Variants in EXOC6B observed in about 807,000 individuals in gnomAD.
EXOC6B encodes the protein exocyst complex component 6B.
A neutral mutation model predicts 113.5 loss-of-function variants in EXOC6B; 54 were observed. The ratio of observed to expected loss-of-function variants is 0.48; its 90% CI spans 0.38 to 0.60. EXOC6B has a LOEUF of 0.60. Ranked by LOEUF, EXOC6B falls within the 20% of genes least tolerant of loss-of-function variation. The probability of loss-of-function intolerance (pLI) is 0.00; values close to 1 mark genes in which losing one functional copy is unlikely to be tolerated. For missense variants in EXOC6B, 797 were observed against 977.5 expected (o/e 0.82, Z 2.46); for synonymous variants, 357 against 339.0 (o/e 1.05, Z -0.58).
rs1357018927 is a variant in EXOC6B, at chr2:72,607,645, G to GA, written c.670-31978dup. On this transcript the variant is annotated intron_variant, in intron 6 of 21. Transcript: ENST00000272427. ...TCAGTCATTCACTGATCTATACACA[G>GA]AAAAAAATCAGCCTTCCTTTTTAAT... Among the ~76,000 whole-genome samples the GA allele has an allele frequency of 2.6e-5, 4 of 152,046 alleles. No individual in the cohort carries two copies. In the East Asian group the frequency reaches 7.7e-4, roughly 29 times the overall value.
intron 1 of EXOC6B, among the ~76,000 whole-genome samples, chr2:72,817,605 C>A (rs1023078915): frequency 1.0e-5 from 1 of 98,528 alleles, no homozygotes; most frequent in Non-Finnish European, 2.0e-5. Flanking sequence ...GACATTCCAA[C>A]AGGGTAGACA....
Position 72,825,901 on chromosome 2 carries a change from C to T in EXOC6B, c.10G>A (p.Gly4Ser), listed in dbSNP as rs1686879172. 1 of 1,612,962 alleles carries T rather than the reference C, an allele frequency of 6.2e-7. No homozygotes were observed. The highest frequency in any genetic ancestry group is 1.1e-5 in the South Asian group (1 of 91,072). MER[G>S]KMAEAESLET... is the part of the protein sequence containing the mutation. Reference sequence around the variant, plus strand: ...AGGCTCTCCGCCTCCGCCATCTTACCCCGCTCCATAGACTGGGGGCGCCCC... The same window carrying T: ...AGGCTCTCCGCCTCCGCCATCTTACTCCGCTCCATAGACTGGGGGCGCCCC... The change falls in exon 1 of 22, where the codon GGT (glycine) becomes AGT (serine). Residue 4 changes from glycine to serine, a missense_variant. By Grantham distance (56) the Gly-to-Ser change is moderately conservative. Coordinates refer to ENST00000272427, the MANE Select transcript of EXOC6B (RefSeq NM_015189.3). This position sits in a 1 kb window ranked among gnomAD's most constrained non-coding sequence, Gnocchi z 4.4.
chr2:72,645,168 C>G (rs1199958303), intron 6 of EXOC6B, among the ~76,000 whole-genome samples: 1 of 152,020 alleles, frequency 6.6e-6, no homozygotes, highest in African/African-American at 2.4e-5. Flanking sequence ...GACTTTAAAC[C>G]AACAAAGATC....
At chr2:72,363,447 A>G (rs764184973) in intron 19 of EXOC6B, among the ~76,000 whole-genome samples, 4 of 152,132 alleles carry the variant, frequency 2.6e-5, no homozygotes, top group South Asian at 4.1e-4. Context: ...GAAGTTTCAC[A>G]GACAACTATC....
At chr2:72,465,893 A>T (rs1344368287) in intron 17 of EXOC6B, among the ~76,000 whole-genome samples, 1 of 152,130 alleles carries the variant, frequency 6.6e-6, no homozygotes, top group Non-Finnish European at 1.5e-5. Flanking sequence ...ATTTCCTTTT[A>T]CTTCTCTGGA....
rs1677938621 is a variant in EXOC6B, at chr2:72,179,327, G to A, written c.*8C>T. 2 of 1,598,752 alleles carry A rather than the reference G, an allele frequency of 1.3e-6. No individual in the cohort carries two copies. The highest frequency in any genetic ancestry group is 1.1e-5 in the South Asian group (1 of 88,424). On this transcript the variant is annotated 3_prime_UTR_variant, in exon 22 of 22. Transcript: ENST00000272427. ...AGCAGGTCGCCTCTGTGGGTCCGGG[G>A]TCACCCTTCATGAGTGGTGGCTGCT...
In EXOC6B at chr2:72,418,395, G is replaced by A. The variant is rs1001971206; in HGVS notation, c.1981-38525C>T. ...GCTTTCTGCAGGGTTGTTCTATCCA[G>A]TATTGAGAGGAAAAGTATTGAAGTT... is the stretch of plus-strand genomic sequence containing the variant. On this transcript the variant is annotated intron_variant, in intron 18 of 21. Transcript: ENST00000272427. Among the ~76,000 whole-genome samples the A allele has an allele frequency of 2.2e-4, 33 of 152,216 alleles. 1 individual carries two copies. Among genetic ancestry groups the A allele is most frequent in the African/African-American group, 7.0e-4 (29 of 41,542 alleles).
intron 1 of EXOC6B, among the ~76,000 whole-genome samples, chr2:72,799,108 C>T (rs935493417): frequency 2.6e-5 from 4 of 151,500 alleles, no homozygotes; most frequent in Non-Finnish European, 1.5e-5. Flanking sequence ...GGCATGGTAG[C>T]GCGCTCCTGT....
intron 20 of EXOC6B, among the ~76,000 whole-genome samples, chr2:72,254,499 G>A (rs1006355374): frequency 6.6e-6 from 1 of 152,150 alleles, no homozygotes; most frequent in Non-Finnish European, 1.5e-5. Context: ...AATTTCTTTT[G>A]TTTTAAGCCA....
intron 1 of EXOC6B, among the ~76,000 whole-genome samples, chr2:72,815,505 A>AT (rs1156284691): frequency 1.3e-5 from 2 of 151,662 alleles, no homozygotes; most frequent in African/African-American, 4.8e-5. Context: ...AAAAAAAAAA[A>AT]GAAAAAAGAA....
intron 19 of EXOC6B, among the ~76,000 whole-genome samples, chr2:72,361,075 A>T (rs1390477016): frequency 1.3e-5 from 2 of 152,094 alleles, no homozygotes; most frequent in Non-Finnish European, 2.9e-5. Flanking sequence ...TATAACTAGG[A>T]TCTACATACA....
intron 20 of EXOC6B, among the ~76,000 whole-genome samples, chr2:72,240,284 A>G (rs761469005): frequency 2.2e-4 from 34 of 152,210 alleles, no homozygotes; most frequent in Non-Finnish European, 4.7e-4. Flanking sequence ...TTGCTTTTTA[A>G]GCAGTTTTCG....
At chr2:72,410,451 T>C (rs1475714487) in intron 18 of EXOC6B, among the ~76,000 whole-genome samples, 1 of 152,208 alleles carries the variant, frequency 6.6e-6, no homozygotes, top group Non-Finnish European at 1.5e-5. Context: ...TGTTAACACT[T>C]AGGTTAGTAT....
At chr2:72,287,856 C>G (rs374221015) in intron 20 of EXOC6B, among the ~76,000 whole-genome samples, 6 of 152,146 alleles carry the variant, frequency 3.9e-5, no homozygotes, top group African/African-American at 1.4e-4. Context: ...ACTGGTGAAT[C>G]TTTATAACAC....
At chr2:72,640,368 A>G (rs888682674) in intron 6 of EXOC6B, among the ~76,000 whole-genome samples, 1 of 152,208 alleles carries the variant, frequency 6.6e-6, no homozygotes, top group Non-Finnish European at 1.5e-5. Flanking sequence ...GGGATTATGT[A>G]AAGAGACCAA....
intron 5 of EXOC6B, among the ~76,000 whole-genome samples, chr2:72,726,807 A>G (rs1680326371): frequency 6.6e-6 from 1 of 152,212 alleles, no homozygotes; most frequent in Non-Finnish European, 1.5e-5. Context: ...CAGGAAAAAA[A>G]TAAAATACAG....
At chr2:72,735,751 C>T (rs1025937892) in intron 2 of EXOC6B, among the ~76,000 whole-genome samples, 4 of 151,666 alleles carry the variant, frequency 2.6e-5, no homozygotes, top group Middle Eastern at 3.4e-3. Context: ...GGTGGGGGGA[C>T]GTGGGTTGCA....
At chr2:72,190,081 A>C (rs1236113684) in intron 20 of EXOC6B, among the ~76,000 whole-genome samples, 1 of 143,900 alleles carries the variant, frequency 6.9e-6, no homozygotes, top group Non-Finnish European at 1.5e-5. Context: ...CCCAGGCTGG[A>C]GTGCAGTGGT....
chr2:72,527,836 TTCTTCATG>T (rs1701812316), intron 8 of EXOC6B, among the ~76,000 whole-genome samples: 1 of 152,020 alleles, frequency 6.6e-6, no homozygotes, highest in Non-Finnish European at 1.5e-5. Context: ...GGTGAATTGT[TTCTTCATG>T]TCTTTTGCTC....
Sources: allele counts gnomAD v4.1 joint callset (sites outside exome capture counted in the v4.1 genomes callset), GRCh38; gene constraint gnomAD v4.1.1; non-coding constraint Gnocchi (gnomAD v3.1); transcripts MANE v1.5; gene names NCBI Gene and HGNC (gene_info 2026-07-23, HGNC 2026-07-21).